Variants in TIAM1 observed in about 807,000 individuals in gnomAD.
TIAM1 encodes the protein rho guanine nucleotide exchange factor TIAM1.
A neutral mutation model predicts 163.5 loss-of-function variants in TIAM1; 65 were observed. That is an observed-to-expected ratio of 0.40 (90% CI 0.33 to 0.49). The LOEUF (loss-of-function observed/expected upper bound fraction) is 0.49, where lower values mean the gene tolerates loss of function less well. Ranked by LOEUF, TIAM1 falls within the 20% of genes least tolerant of loss-of-function variation. The pLI is 0.77. For synonymous variants in TIAM1, 833 were observed against 810.1 expected (o/e 1.03, Z -0.48); for missense variants, 1,789 against 2,044.7 (o/e 0.87, Z 2.41).
intron 1 of TIAM1, among the ~76,000 whole-genome samples, chr21:31,530,068 G>T (rs947715052): frequency 1.3e-5 from 2 of 152,194 alleles, no homozygotes; most frequent in African/African-American, 4.8e-5. Flanking sequence ...GGAAACTCAA[G>T]GAGGAACTTA....
intron 2 of TIAM1, among the ~76,000 whole-genome samples, chr21:31,307,566 C>T (rs2074762620): frequency 1.3e-5 from 2 of 152,216 alleles, no homozygotes; most frequent in South Asian, 4.1e-4. Context: ...GGCAGTATCA[C>T]ACTGGGCCTT....
At chr21:31,178,778 T>C (rs2146422947) in intron 15 of TIAM1, among the ~76,000 whole-genome samples, 1 of 151,934 alleles carries the variant, frequency 6.6e-6, no homozygotes, top group East Asian at 2.0e-4. Flanking sequence ...TTTGATGGAG[T>C]TTCGCTCTTG....
intron 2 of TIAM1, among the ~76,000 whole-genome samples, chr21:31,331,962 C>A (rs965274034): frequency 1.9e-4 from 29 of 152,270 alleles, no homozygotes; most frequent in African/African-American, 6.5e-4. Context: ...AAACATAATC[C>A]GTGTCTAACA....
chr21:31,481,980 C>T (rs1234829882), intron 1 of TIAM1, among the ~76,000 whole-genome samples: 1 of 151,624 alleles, frequency 6.6e-6, no homozygotes, highest in Non-Finnish European at 1.5e-5. Context: ...TCAAGAGGTC[C>T]CCAGTGTACC....
chr21:31,416,639 A>G (rs917482771), intron 2 of TIAM1, among the ~76,000 whole-genome samples: 1 of 152,206 alleles, frequency 6.6e-6, no homozygotes, highest in African/African-American at 2.4e-5. Context: ...AAGTTGCGCA[A>G]CAGACATGAT....
intron 2 of TIAM1, among the ~76,000 whole-genome samples, chr21:31,432,635 A>G (rs1174527737): frequency 6.6e-6 from 1 of 152,252 alleles, no homozygotes; most frequent in Non-Finnish European, 1.5e-5. Context: ...GGCAACATGC[A>G]TGAAGTGGGA....
intron 20 of TIAM1, among the ~76,000 whole-genome samples, chr21:31,144,084 C>T (rs1479631897): frequency 6.6e-6 from 1 of 152,130 alleles, no homozygotes; most frequent in Non-Finnish European, 1.5e-5. Context: ...CTCATAAGAC[C>T]ACAATCTTGT....
Position 31,127,048 on chromosome 21 carries a change from T to C in TIAM1, c.4133+17A>G. 2 of 1,613,546 alleles carry C rather than the reference T, an allele frequency of 1.2e-6. No homozygotes were observed. The highest frequency in any genetic ancestry group is 1.3e-5 in the African/African-American group (1 of 75,016). ...AGAAATGTCAACACGGCCTCGACTTTACAGGCCCAGGCTCACCTGCAGCAC... is the reference window on the plus strand; with the variant it reads ...AGAAATGTCAACACGGCCTCGACTTCACAGGCCCAGGCTCACCTGCAGCAC... On this transcript the variant is annotated intron_variant, in intron 26 of 27. Coordinates refer to ENST00000541036, the MANE Select transcript of TIAM1 (RefSeq NM_001353694.2).
At chr21:31,147,779 T>A (rs1029726093) in intron 19 of TIAM1, among the ~76,000 whole-genome samples, 2 of 136,578 alleles carry the variant, frequency 1.5e-5, no homozygotes, top group Non-Finnish European at 3.1e-5. Context: ...ATTAATATAT[T>A]ATATTAAAAT....
chr21:31,545,121 A>G (rs2048447115), intron 1 of TIAM1, among the ~76,000 whole-genome samples: 2 of 152,246 alleles, frequency 1.3e-5, no homozygotes, highest in African/African-American at 4.8e-5. Flanking sequence ...GTCATACTGA[A>G]TTAGGCTGGG....
intron 2 of TIAM1, among the ~76,000 whole-genome samples, chr21:31,318,512 A>T (rs1016978539): frequency 2.6e-5 from 4 of 152,254 alleles, no homozygotes; most frequent in African/African-American, 9.6e-5. Context: ...TGAATTATCA[A>T]CAATTTGGTA....
At chr21:31,131,044 A>C in intron 23 of TIAM1, 96 bp from the exon 24 acceptor site, 1 of 1,011,464 alleles carries the variant, frequency 9.9e-7, no homozygotes, top group Non-Finnish European at 1.5e-6. Context: ...ACAGTTATGA[A>C]GAGGACGTTG....
intron 13 of TIAM1, among the ~76,000 whole-genome samples, chr21:31,193,788 G>A (rs2284484): frequency 0.23 from 34,658 of 152,154 alleles, 6,604 homozygotes; most frequent in African/African-American, 0.49. Flanking sequence ...ACACCGGTGA[G>A]TGCCGGCAGT....
At chr21:31,198,570 AC>A (rs2086007153) in intron 12 of TIAM1, among the ~76,000 whole-genome samples, 1 of 152,200 alleles carries the variant, frequency 6.6e-6, no homozygotes, top group Admixed American at 6.5e-5. Flanking sequence ...ACAATGTATA[AC>A]CTAACACCAC....
intron 1 of TIAM1, among the ~76,000 whole-genome samples, chr21:31,541,995 C>T (rs1230938411): frequency 2.0e-5 from 3 of 152,140 alleles, no homozygotes; most frequent in African/African-American, 7.2e-5. Context: ...CCTCACTTTC[C>T]CTAAAACCAG....
intron 2 of TIAM1, among the ~76,000 whole-genome samples, chr21:31,446,345 C>A (rs991277578): frequency 1.4e-4 from 22 of 152,166 alleles, no homozygotes; most frequent in African/African-American, 4.8e-4. Context: ...TATGTAAGTC[C>A]TGGCTACATC....
chr21:31,350,610 C>T (rs377284793), intron 2 of TIAM1, among the ~76,000 whole-genome samples: 2 of 152,060 alleles, frequency 1.3e-5, no homozygotes, highest in African/African-American at 2.4e-5. Flanking sequence ...GGCATCTCCC[C>T]GCATCTCTCT....
chr21:31,213,237 A>G, intron 10 of TIAM1, 161 bp downstream of exon 10: 1 of 587,478 alleles, frequency 1.7e-6, no homozygotes. Flanking sequence ...ATATAAAATG[A>G]TTTTCCATCT....
intron 16 of TIAM1, among the ~76,000 whole-genome samples, chr21:31,161,173 C>A (rs1343933013): frequency 1.3e-5 from 2 of 152,056 alleles, no homozygotes; most frequent in East Asian, 1.9e-4. Flanking sequence ...AAGAAAAAGT[C>A]ATTCCTAATG....
Sources: gnomAD v4.1 joint callset for allele counts (sites outside exome capture counted in the v4.1 genomes callset) on GRCh38, gnomAD v4.1.1 for gene constraint, MANE v1.5 for transcripts, NCBI Gene and HGNC (gene_info 2026-07-23, HGNC 2026-07-21) for gene names.